GLIS3: variants seen among roughly 807,000 people sequenced by gnomAD.
GLIS3 encodes GLIS family zinc finger 3.
In GLIS3, 53 loss-of-function variants were observed where a neutral mutation model predicts 78.6. That is an observed-to-expected ratio of 0.67 (90% CI 0.54 to 0.85). GLIS3 has a LOEUF of 0.85. Ranked by LOEUF, GLIS3 falls within the 40% of genes least tolerant of loss-of-function variation. The pLI, the probability that GLIS3 is intolerant of heterozygous loss-of-function variation, is 0.00. For missense variants in GLIS3, 1,703 were observed against 1,231.1 expected (o/e 1.38, Z -5.74); for synonymous variants, 684 against 509.9 (o/e 1.34, Z -4.60).
In GLIS3 at chr9:4,118,710, G is replaced by T. The variant is rs780057831; in HGVS notation, c.768C>A (p.Pro256=). ...LDLGDLLSLP[P]GTSMSSNSVS... ...CACTATTGCTGGACATGGATGTCCCGGGAGGAAGGCTAAGGAGATCCCCTA... is the reference window on the plus strand; with the variant it reads ...CACTATTGCTGGACATGGATGTCCCTGGAGGAAGGCTAAGGAGATCCCCTA... Residue 256 remains proline, a synonymous_variant, in exon 4 of 11, where the codon CCC becomes CCA. Coordinates refer to ENST00000381971, the MANE Select transcript of GLIS3 (RefSeq NM_001042413.2). The surrounding 1 kb of genome is among the most constrained non-coding windows in gnomAD (Gnocchi z 4.7). The T allele has an allele frequency of 1.2e-6, 2 of 1,614,054 alleles. No individual in the cohort carries two copies. The highest frequency in any genetic ancestry group is 1.7e-6 in the Non-Finnish European group (2 of 1,180,010).
At chr9:4,047,538 T>C (rs1825354006) in intron 4 of GLIS3, among the ~76,000 whole-genome samples, 1 of 152,336 alleles carries the variant, frequency 6.6e-6, no homozygotes, top group Non-Finnish European at 1.5e-5. Flanking sequence ...TGACCTACCC[T>C]TTCTGGTTCA....
At chr9:4,327,050 A>C (rs1354550060) in intron 2 of GLIS3, among the ~76,000 whole-genome samples, 1 of 152,250 alleles carries the variant, frequency 6.6e-6, no homozygotes, top group Admixed American at 6.5e-5. Context: ...GAAACAAGTA[A>C]TCTCATAAAT....
intron 4 of GLIS3, among the ~76,000 whole-genome samples, chr9:4,077,687 G>C (rs1200156679): frequency 6.6e-6 from 1 of 152,066 alleles, no homozygotes; most frequent in Admixed American, 6.5e-5. Flanking sequence ...TCTACCAACA[G>C]GGGGCGCGGG....
At chr9:4,076,122 T>C (rs1364656138) in intron 4 of GLIS3, among the ~76,000 whole-genome samples, 8 of 152,228 alleles carry the variant, frequency 5.3e-5, no homozygotes, top group Admixed American at 5.2e-4. Flanking sequence ...TTACACTCTA[T>C]TTAATGTAAA....
At chr9:3,961,138 G>A (rs1314231494) in intron 4 of GLIS3, among the ~76,000 whole-genome samples, 1 of 152,204 alleles carries the variant, frequency 6.6e-6, no homozygotes, top group East Asian at 1.9e-4. Flanking sequence ...TCTGACAGCA[G>A]CACAAGGATC....
At chr9:4,249,515 G>T (rs200871245) in intron 2 of GLIS3, among the ~76,000 whole-genome samples, 1 of 152,104 alleles carries the variant, frequency 6.6e-6, no homozygotes, top group South Asian at 2.1e-4. Context: ...AAGGAGGTTT[G>T]GGGCTGAGAC....
chr9:4,406,712 T>C, the GLIS3 span, among the ~76,000 whole-genome samples: 3 of 152,082 alleles, frequency 2.0e-5, no homozygotes, highest in African/African-American at 7.2e-5. Flanking sequence ...TACCCATACA[T>C]AAACTTAAGT....
intron 2 of GLIS3, among the ~76,000 whole-genome samples, chr9:4,232,382 T>TAAAA (rs56725850): frequency 3.9e-5 from 4 of 101,634 alleles, no homozygotes; most frequent in African/African-American, 3.6e-5. Flanking sequence ...CCTTGTCTCT[T>TAAAA]AAAAAAAAAA....
At chr9:4,465,794 C>T in the GLIS3 span, among the ~76,000 whole-genome samples, 5 of 152,276 alleles carry the variant, frequency 3.3e-5, no homozygotes, top group African/African-American at 1.2e-4. Flanking sequence ...ATTTCTGCCT[C>T]TGGCTCTAAC....
intron 8 of GLIS3, among the ~76,000 whole-genome samples, chr9:3,875,309 T>C (rs982894735): frequency 2.0e-5 from 3 of 152,204 alleles, no homozygotes; most frequent in African/African-American, 7.2e-5. Context: ...AAAATAAAAA[T>C]GGAACCTTGT....
At position 4,077,154 on chromosome 9, in the gene GLIS3, A is replaced by C. The variant is rs1192184333; in HGVS notation, c.1710+40614T>G. ...GTCTAAAGCAATCCCCTATTATTGA[A>C]CATTTATGATTTTTCCATGTTTTTA... On this transcript the variant is annotated intron_variant, in intron 4 of 10. Transcript: ENST00000381971. 2.0e-5 allele frequency among the ~76,000 whole-genome samples: 3 copies of C among 152,198 alleles called. No homozygotes were observed. In the East Asian group the frequency reaches 5.8e-4, roughly 29 times the overall value.
At chr9:4,323,646 T>C (rs998385521) in intron 2 of GLIS3, among the ~76,000 whole-genome samples, 2 of 152,238 alleles carry the variant, frequency 1.3e-5, no homozygotes, top group Admixed American at 1.3e-4. Context: ...TTATTTATTA[T>C]AGACCTTCAA....
At chr9:4,278,001 C>T (rs892827238) in intron 2 of GLIS3, among the ~76,000 whole-genome samples, 5 of 151,778 alleles carry the variant, frequency 3.3e-5, no homozygotes, top group Non-Finnish European at 7.4e-5. Flanking sequence ...CATTCACCTC[C>T]GCTCATTAAA....
At chr9:4,151,744 G>C (rs1426174344) in intron 2 of GLIS3, among the ~76,000 whole-genome samples, 4 of 152,154 alleles carry the variant, frequency 2.6e-5, no homozygotes, top group Non-Finnish European at 5.9e-5. Flanking sequence ...ATGTCTATGA[G>C]TTTGGATAGA....
chr9:3,859,383 ACACAC>A (rs1820018261), intron 8 of GLIS3, among the ~76,000 whole-genome samples: 3 of 103,092 alleles, frequency 2.9e-5, no homozygotes, highest in Non-Finnish European at 7.1e-5. Flanking sequence ...ACACACACAC[ACACAC>A]ACACACACAC....
At chr9:4,415,581 T>C in the GLIS3 span, among the ~76,000 whole-genome samples, 1 of 152,142 alleles carries the variant, frequency 6.6e-6, no homozygotes. Context: ...CAAATGAAAT[T>C]AACAACTCAG....
chr9:4,455,596 G>A, the GLIS3 span, among the ~76,000 whole-genome samples: 31 of 152,136 alleles, frequency 2.0e-4, no homozygotes, highest in African/African-American at 6.5e-4. Flanking sequence ...TAACATTGTA[G>A]GATTTCTCCA....
intron 4 of GLIS3, chr9:4,305,486 T>C (rs534932370): frequency 3.3e-5 from 5 of 152,316 alleles, no homozygotes; most frequent in South Asian, 2.1e-4. Flanking sequence ...TCAAGGGAAA[T>C]TGACCCCAGC....
chr9:4,319,887 ATT>A (rs776193481), intron 2 of GLIS3, among the ~76,000 whole-genome samples: 1 of 152,142 alleles, frequency 6.6e-6, no homozygotes, highest in Non-Finnish European at 1.5e-5. Context: ...TTAATGAATG[ATT>A]TAGAACCAGA....
Sources: allele counts gnomAD v4.1 joint callset (sites outside exome capture counted in the v4.1 genomes callset), GRCh38; gene constraint gnomAD v4.1.1; non-coding constraint Gnocchi (gnomAD v3.1); transcripts MANE v1.5; gene names NCBI Gene and HGNC (gene_info 2026-07-23, HGNC 2026-07-21).